SCMH1: variants seen among roughly 807,000 people sequenced by gnomAD.
SCMH1 encodes polycomb protein SCMH1.
Under a neutral mutation model 70.8 loss-of-function variants are expected in SCMH1, and 37 were observed. That is an observed-to-expected ratio of 0.52 (90% CI 0.40 to 0.69). The LOEUF (loss-of-function observed/expected upper bound fraction) is 0.69. SCMH1 is among the 30% of genes least tolerant of loss of function. The probability of loss-of-function intolerance (pLI) is 0.00; values close to 1 mark genes in which losing one functional copy is unlikely to be tolerated. For synonymous variants in SCMH1, 292 were observed against 307.4 expected, an observed-to-expected ratio of 0.95 and a Z score of 0.52; for missense variants, 607 against 827.3, an observed-to-expected ratio of 0.73 and a Z score of 3.27.
chr1:41,106,065 G>C (rs578018183), intron 8 of SCMH1, among the ~76,000 whole-genome samples: 1 of 151,634 alleles, frequency 6.6e-6, no homozygotes, highest in Non-Finnish European at 1.5e-5. Flanking sequence ...AGTAGAGACA[G>C]GGTTTCACCA....
chr1:41,151,713 A>C lies in SCMH1; in HGVS notation c.107-29T>G, dbSNP rs771907324. On this transcript the variant is annotated intron_variant, in intron 4 of 14. Coordinates refer to ENST00000337495, the Ensembl canonical transcript of SCMH1. ...TAAAGGAAATAGAAATCTATATCACAGTCAACTTCCTAAAAAAAATGTTTT... is the reference window on the plus strand; with the variant it reads ...TAAAGGAAATAGAAATCTATATCACCGTCAACTTCCTAAAAAAAATGTTTT... The C allele has an allele frequency of 1.9e-5, 29 of 1,525,200 alleles. No individual in the cohort carries two copies. In the Admixed American group the frequency reaches 4.9e-4, roughly 26 times the overall value. The allele number at this position is 1,525,200 out of a possible 1,614,324, so 94.5% of individuals were successfully genotyped here.
At chr1:41,141,140 T>C (rs1644032640) in intron 6 of SCMH1, among the ~76,000 whole-genome samples, 1 of 152,378 alleles carries the variant, frequency 6.6e-6, no homozygotes, top group African/African-American at 2.4e-5. Context: ...TGTTAACAGA[T>C]GTATTCCATT....
chr1:41,209,188 G>C (rs919153060), intron 1 of SCMH1, among the ~76,000 whole-genome samples: 1 of 152,148 alleles, frequency 6.6e-6, no homozygotes, highest in Non-Finnish European at 1.5e-5. Flanking sequence ...TCTCTGAATA[G>C]ACCAATAACA....
At chr1:41,232,016 T>C (rs1055657772) in intron 1 of SCMH1, among the ~76,000 whole-genome samples, 1 of 139,474 alleles carries the variant, frequency 7.2e-6, no homozygotes, top group African/African-American at 2.6e-5. Context: ...AGTGCAAGAC[T>C]GTCTCAAAAA....
chr1:41,239,765 A>G (rs1280776521), intron 1 of SCMH1, among the ~76,000 whole-genome samples: 1 of 152,094 alleles, frequency 6.6e-6, no homozygotes, highest in Non-Finnish European at 1.5e-5. Flanking sequence ...TGAGTAGCTG[A>G]GACTACAGAC....
intron 2 of SCMH1, among the ~76,000 whole-genome samples, chr1:41,169,061 C>G (rs142150042): frequency 6.6e-6 from 1 of 152,280 alleles, no homozygotes; most frequent in Middle Eastern, 3.4e-3. Flanking sequence ...TCAGGTTGCA[C>G]CCTCTGATCC....
At chr1:41,155,330 T>G (rs931472287) in intron 4 of SCMH1, among the ~76,000 whole-genome samples, 1 of 152,188 alleles carries the variant, frequency 6.6e-6, no homozygotes, top group Non-Finnish European at 1.5e-5. Context: ...AAATATTTAC[T>G]AAATACCTAG....
intron 2 of SCMH1, among the ~76,000 whole-genome samples, chr1:41,175,418 T>TA (rs1647050865): frequency 6.6e-6 from 1 of 152,046 alleles, no homozygotes; most frequent in Non-Finnish European, 1.5e-5. Context: ...TCTTTGGACT[T>TA]AGACTAAATT....
At chr1:41,196,700 G>A (rs999542129) in intron 1 of SCMH1, among the ~76,000 whole-genome samples, 1 of 152,014 alleles carries the variant, frequency 6.6e-6, no homozygotes, top group African/African-American at 2.4e-5. Context: ...CAGATAAACT[G>A]GACTTCACCA....
At chr1:41,104,442 T>C (rs1667369997) in intron 8 of SCMH1, among the ~76,000 whole-genome samples, 2 of 152,312 alleles carry the variant, frequency 1.3e-5, no homozygotes, top group South Asian at 4.2e-4. Context: ...CCTGAGTGGC[T>C]ATTCTCATTA....
intron 8 of SCMH1, among the ~76,000 whole-genome samples, chr1:41,104,446 C>T (rs1481692913): frequency 6.6e-6 from 1 of 152,130 alleles, no homozygotes; most frequent in Non-Finnish European, 1.5e-5. Context: ...AGTGGCTATT[C>T]TCATTAAAGG....
chr1:41,161,180 G>C (rs892601522), intron 3 of SCMH1, among the ~76,000 whole-genome samples, 184 bp downstream of exon 3: 1 of 152,152 alleles, frequency 6.6e-6, no homozygotes, highest in Admixed American at 6.5e-5. Flanking sequence ...TCAGAATCTA[G>C]GTTTCCTATT....
intron 1 of SCMH1, among the ~76,000 whole-genome samples, chr1:41,196,342 A>G (rs1653010683): frequency 6.6e-6 from 1 of 152,158 alleles, no homozygotes; most frequent in Admixed American, 6.5e-5. Flanking sequence ...TAATCAAAAT[A>G]GTACAGTATT....
At chr1:41,202,506 G>A (rs770808613) in intron 1 of SCMH1, among the ~76,000 whole-genome samples, 15 of 152,248 alleles carry the variant, frequency 9.9e-5, no homozygotes, top group Non-Finnish European at 1.6e-4. Context: ...AGACTTTACT[G>A]TACTTTTATA....
Position 41,033,965 on chromosome 1 carries a change from C to T in SCMH1, c.1678+3397G>A. On this transcript the variant is annotated intron_variant, in intron 13 of 14. Transcript: ENST00000337495. ...AGGGCCTTGGGGAAGATAAAAATAA[C>T]AGTAACTCCCCTCATACCTGGGGAA... is the stretch of plus-strand genomic sequence containing the variant. 1 of 1,613,914 alleles carries T rather than the reference C, an allele frequency of 6.2e-7. No individual in the cohort carries two copies. Among genetic ancestry groups the T allele is most frequent in the Non-Finnish European group, 8.5e-7 (1 of 1,179,862 alleles).
At chr1:41,038,239 TGTAAAG>T (rs1160266012) in intron 12 of SCMH1, among the ~76,000 whole-genome samples, 1 of 152,200 alleles carries the variant, frequency 6.6e-6, no homozygotes, top group African/African-American at 2.4e-5. Flanking sequence ...AGTCTTTCCT[TGTAAAG>T]GGAATCTTAC....
chr1:41,035,839 C>T (rs914301296), intron 13 of SCMH1, among the ~76,000 whole-genome samples: 2 of 152,270 alleles, frequency 1.3e-5, no homozygotes, highest in Middle Eastern at 3.4e-3. Flanking sequence ...GCCTTCACCC[C>T]TCCACCACAG....
At position 41,113,889 on chromosome 1, in the gene SCMH1, T is replaced by C. The variant is rs1669820732; in HGVS notation, c.502-363A>G. 6.6e-6 allele frequency among the ~76,000 whole-genome samples: 1 copy of C among 152,318 alleles called. No individual in the cohort carries two copies. Among genetic ancestry groups the C allele is most frequent in the Admixed American group, 6.5e-5 (1 of 15,296 alleles). ...TATACATACATACCCATTTGCCTGC[T>C]TTTAAATTTTATATAAATGGTATTA... On this transcript the variant is annotated intron_variant, in intron 7 of 14. Transcript: ENST00000337495. This position sits in a 1 kb window ranked among gnomAD's most constrained non-coding sequence, Gnocchi z 4.3.
At chr1:41,155,192 GA>G (rs541489535) in intron 4 of SCMH1, among the ~76,000 whole-genome samples, 138 of 151,892 alleles carry the variant, frequency 9.1e-4, no homozygotes, top group Non-Finnish European at 1.5e-3. Context: ...TATTAAAAAA[GA>G]AAAAAAGGTA....
Sources: allele counts gnomAD v4.1 joint callset (sites outside exome capture counted in the v4.1 genomes callset), GRCh38; gene constraint gnomAD v4.1.1; non-coding constraint Gnocchi (gnomAD v3.1); transcripts MANE v1.5; gene names NCBI Gene and HGNC (gene_info 2026-07-23, HGNC 2026-07-21).